RNF133: variants seen among roughly 807,000 people sequenced by gnomAD.
RNF133 encodes the protein E3 ubiquitin-protein ligase RNF133.
For synonymous variants in RNF133, 153 were observed against 152.1 expected (o/e 1.01, Z -0.04); for missense variants, 469 against 450.5 (o/e 1.04, Z -0.37).
Position 122,698,990 on chromosome 7 carries a change from C to A in RNF133, c.-72G>T. The A allele has an allele frequency of 4.4e-6, 5 of 1,129,008 alleles. No homozygotes were observed. The highest frequency in any genetic ancestry group is 6.2e-6 in the Non-Finnish European group (5 of 801,806). 69.9% of individuals were successfully genotyped at this position (1,129,008 alleles called of 1,614,324 possible). On this transcript the variant is annotated 5_prime_UTR_variant, in exon 1 of 1. Coordinates refer to ENST00000340112, the MANE Select transcript of RNF133 (RefSeq NM_139175.2). The stretch of plus-strand genomic sequence containing the variant: ...TCTGTTGACAATTAATTTAAAATAA[C>A]GAAGAGAAAAAAATCTTCAGGATAC...
Position 122,698,372 on chromosome 7 carries a change from G to A in RNF133, c.547C>T (p.His183Tyr), listed in dbSNP as rs1374495082. 1 of 1,613,640 alleles carries A rather than the reference G, an allele frequency of 6.2e-7. No homozygotes were observed. The highest frequency in any genetic ancestry group is 1.1e-5 in the South Asian group (1 of 91,068). Residue 183 changes from histidine to tyrosine, a missense_variant, in exon 1 of 1, where the codon CAC becomes TAC. By Grantham distance (83) the His-to-Tyr change is moderately conservative. Coordinates refer to ENST00000340112, the MANE Select transcript of RNF133 (RefSeq NM_139175.2). The part of the protein sequence containing the change: ...ITAVVEVGRK[H>Y]IIWMNHYLVS... ...AAATAGTGATTCATCCAGATGATGT[G>A]CTTTCTCCCCACCTCAACCACGGCT... is the stretch of plus-strand genomic sequence containing the variant.
rs779925189 is a variant in RNF133, at chr7:122,698,396, C to A, written c.523G>T (p.Ala175Ser). 1 of 1,613,990 alleles carries A rather than the reference C, an allele frequency of 6.2e-7. No homozygotes were observed. The highest frequency in any genetic ancestry group is 1.1e-5 in the South Asian group (1 of 91,076). ...HLIKKGVLITAVVEVGRKHII... is the reference protein window; with the variant it reads ...HLIKKGVLITSVVEVGRKHII... Reference sequence around the variant, plus strand: ...TGCTTTCTCCCCACCTCAACCACGGCTGTAATGAGAACTCCCTTCTTAATT... The same window carrying A: ...TGCTTTCTCCCCACCTCAACCACGGATGTAATGAGAACTCCCTTCTTAATT... Residue 175 changes from alanine to serine, a missense_variant, in exon 1 of 1, where the codon GCC becomes TCC. By Grantham distance (99) the Ala-to-Ser change is moderately conservative (BLOSUM62 1). Transcript: ENST00000340112.
chr7:122,698,461 A>C lies in RNF133; in HGVS notation c.458T>G (p.Val153Gly), dbSNP rs760085521. The C allele has an allele frequency of 3.1e-6, 5 of 1,613,804 alleles. No individual in the cohort carries two copies. In the South Asian group the frequency reaches 5.5e-5, roughly 18 times the overall value. The part of the protein sequence containing the change: ...FHQAFEDVVV[V>G]MIGNLKGTEI... ...CGTGCCTTTTAAGTTACCAATCATA[A>C]CCACAACGACATCTTCAAATGCCTG... Residue 153 changes from valine to glycine, a missense_variant, in exon 1 of 1, where the codon GTT becomes GGT. Val to Gly is a moderately radical substitution (Grantham distance 109). Coordinates refer to ENST00000340112, the MANE Select transcript of RNF133 (RefSeq NM_139175.2).
chr7:122,697,818 T>C lies in RNF133; in HGVS notation c.1101A>G (p.Ser367=), dbSNP rs749526613. 6.3e-7 allele frequency: 1 copy of C among 1,596,022 alleles called. No homozygotes were observed. Among genetic ancestry groups the C allele is most frequent in the Non-Finnish European group, 8.5e-7 (1 of 1,173,676 alleles). The change falls in exon 1 of 1, where the codon TCA becomes TCG. Residue 367 remains serine (S), a synonymous_variant. Coordinates refer to ENST00000340112, the MANE Select transcript of RNF133 (RefSeq NM_139175.2). ...TSQNNDIQPH[S]VVEDVHPSP is the part of the protein sequence containing the mutation. The stretch of plus-strand genomic sequence containing the variant: ...GTGAAGGATGAACATCTTCCACTAC[T>C]GAATGAGGCTGGATGTCATTATTCT...
rs2085606123 is a variant in RNF133, at chr7:122,698,974, A to C, written c.-56T>G. The C allele has an allele frequency of 1.6e-6, 2 of 1,217,940 alleles. No individual in the cohort carries two copies. Among genetic ancestry groups the C allele is most frequent in the South Asian group, 3.2e-5 (2 of 61,954 alleles). 75.4% of individuals were successfully genotyped at this position (1,217,940 alleles called of 1,614,324 possible). A position where few individuals can be genotyped will look rare whatever the true frequency, so the allele number is the denominator to read the frequency against. ...ACCTAACAGTTGCACATCTGTTGACAATTAATTTAAAATAACGAAGAGAAA... is the reference window on the plus strand; with the variant it reads ...ACCTAACAGTTGCACATCTGTTGACCATTAATTTAAAATAACGAAGAGAAA... On this transcript the variant is annotated 5_prime_UTR_variant, in exon 1 of 1. In the 5' UTR this introduces an upstream ATG that the reference lacks. Coordinates refer to ENST00000340112, the MANE Select transcript of RNF133 (RefSeq NM_139175.2).
rs761206928 is a variant in RNF133 at position 122,697,860 on chromosome 7, C to T, written c.1059G>A (p.Glu353=). The T allele has an allele frequency of 6.2e-7, 1 of 1,612,760 alleles. No individual in the cohort carries two copies. The highest frequency in any genetic ancestry group is 2.2e-5 in the East Asian group (1 of 44,854). The change falls in exon 1 of 1, where the codon GAG becomes GAA. Residue 353 remains glutamate, a synonymous_variant. Transcript: ENST00000340112. ...AGTSDKVIHV[E]ENPTSQNNDI... is the part of the protein sequence containing the mutation. ...CATTATTCTGAGAAGTAGGGTTCTC[C>T]TCCACATGGATTACTTTATCTGAGG...
rs745643478 is a variant in RNF133 at position 122,698,296 on chromosome 7, T to C, written c.623A>G (p.Tyr208Cys). The change falls in exon 1 of 1, where the codon TAT (tyrosine) becomes TGT (cysteine). Residue 208 changes from tyrosine to cysteine, a missense_variant. Physicochemically the swap from Tyr to Cys is radical, Grantham distance 194. Transcript: ENST00000340112. ...TTATLAYFIF[Y>C]HIHRLCLARI... ...TGCTAAACAAAGTCTATGAATGTGA[T>C]AAAAGATGAAATATGCTAAGGTAGC... 6.2e-7 allele frequency: 1 copy of C among 1,614,080 alleles called. No individual in the cohort carries two copies. The highest frequency in any genetic ancestry group is 1.1e-5 in the South Asian group (1 of 91,082).
rs759878094 is a variant in RNF133 at position 122,698,963 on chromosome 7, C to T, written c.-45G>A. ...CTTAAGAACCAACCTAACAGTTGCACATCTGTTGACAATTAATTTAAAATA... is the reference window on the plus strand; with the variant it reads ...CTTAAGAACCAACCTAACAGTTGCATATCTGTTGACAATTAATTTAAAATA... On this transcript the variant is annotated 5_prime_UTR_variant, in exon 1 of 1. The change creates a new upstream start codon in the 5' untranslated region. Coordinates refer to ENST00000340112, the MANE Select transcript of RNF133 (RefSeq NM_139175.2). 2.3e-6 allele frequency: 3 copies of T among 1,297,338 alleles called. No homozygotes were observed. Among genetic ancestry groups the T allele is most frequent in the Non-Finnish European group, 3.2e-6 (3 of 943,820 alleles). 80.4% of individuals were successfully genotyped at this position (1,297,338 alleles called of 1,614,324 possible). A position where few individuals can be genotyped will look rare whatever the true frequency, so the allele number is the denominator to read the frequency against.
Position 122,698,882 on chromosome 7 carries a change from T to C in RNF133, c.37A>G (p.Thr13Ala), listed in dbSNP as rs2085584011. Residue 13 changes from threonine (T) to alanine (A), a missense_variant, in exon 1 of 1, where the codon ACT becomes GCT. Coordinates refer to ENST00000340112, the MANE Select transcript of RNF133 (RefSeq NM_139175.2). ...LLKVGTWRNN[T>A]ASSWLMKFSV... ...AACTTCATAAGCCAGGAAGAGGCAG[T>C]GTTGTTTCTCCAAGTGCCAACCTTG... is the stretch of plus-strand genomic sequence containing the variant. 1 of 1,603,594 alleles carries C rather than the reference T, an allele frequency of 6.2e-7. No individual in the cohort carries two copies. The highest frequency in any genetic ancestry group is 1.3e-5 in the African/African-American group (1 of 74,638).
rs750822211 is a variant in RNF133, at chr7:122,698,343, G to A, written c.576C>T (p.Val192=). Residue 192 remains valine, a synonymous_variant, in exon 1 of 1, where the codon GTC becomes GTT. Transcript: ENST00000340112. ...KHIIWMNHYL[V]SFVIVTTATL... ...TAGCAGTTGTGACAATCACAAAAGA[G>A]ACCAAATAGTGATTCATCCAGATGA... is the stretch of plus-strand genomic sequence containing the variant. 6.8e-6 allele frequency: 11 copies of A among 1,613,874 alleles called. No individual in the cohort carries two copies. Among genetic ancestry groups the A allele is most frequent in the East Asian group, 2.2e-5 (1 of 44,880 alleles).
Position 122,698,801 on chromosome 7 carries a change from C to T in RNF133, c.118G>A (p.Ala40Thr), listed in dbSNP as rs775016583. ...ACATGAAATGATATGTTCATATAAG[C>T]CATCCAAACAACACTTGCTCTGCAA... ...NCCRASVVWM[A>T]YMNISFHVGN... The change falls in exon 1 of 1, where the codon GCT becomes ACT. Residue 40 changes from alanine to threonine, a missense_variant. Coordinates refer to ENST00000340112, the MANE Select transcript of RNF133 (RefSeq NM_139175.2). The T allele has an allele frequency of 6.2e-7, 1 of 1,613,898 alleles. No individual in the cohort carries two copies. The highest frequency in any genetic ancestry group is 1.1e-5 in the South Asian group (1 of 91,070).
rs759414433 is a variant in RNF133 at position 122,698,212 on chromosome 7, T to G, written c.707A>C (p.Gln236Pro). The change falls in exon 1 of 1, where the codon CAA becomes CCA. Residue 236 changes from glutamine to proline, a missense_variant. Physicochemically the swap from Gln to Pro is moderately conservative, Grantham distance 76. Transcript: ENST00000340112. ...LTTDLQNTFG[Q>P]LQLRVVKEGD... ...CTCTTTTACTACTCGAAGTTGGAGTTGTCCAAATGTGTTCTGAAGATCTGT... is the reference window on the plus strand; with the variant it reads ...CTCTTTTACTACTCGAAGTTGGAGTGGTCCAAATGTGTTCTGAAGATCTGT... 1 of 1,613,756 alleles carries G rather than the reference T, an allele frequency of 6.2e-7. No homozygotes were observed. The highest frequency in any genetic ancestry group is 1.3e-5 in the African/African-American group (1 of 74,902).
At position 122,698,804 on chromosome 7, in the gene RNF133, T is replaced by C; in HGVS notation, c.115A>G (p.Met39Val). ...QNCCRASVVW[M>V]AYMNISFHVG... Reference sequence around the variant, plus strand: ...TGAAATGATATGTTCATATAAGCCATCCAAACAACACTTGCTCTGCAACAG... The same window carrying C: ...TGAAATGATATGTTCATATAAGCCACCCAAACAACACTTGCTCTGCAACAG... The change falls in exon 1 of 1, where the codon ATG becomes GTG. Residue 39 changes from methionine (M) to valine (V), a missense_variant. Transcript: ENST00000340112. 1 of 1,613,856 alleles carries C rather than the reference T, an allele frequency of 6.2e-7. No homozygotes were observed.
At position 122,698,650 on chromosome 7, in the gene RNF133, G is replaced by T. The variant is rs751695080; in HGVS notation, c.269C>A (p.Thr90Asn). 3.1e-6 allele frequency: 5 copies of T among 1,614,004 alleles called. No homozygotes were observed. The highest frequency in any genetic ancestry group is 1.6e-4 in the Middle Eastern group (1 of 6,062). The change falls in exon 1 of 1, where the codon ACC becomes AAC. Residue 90 changes from threonine (T) to asparagine (N), a missense_variant. Coordinates refer to ENST00000340112, the MANE Select transcript of RNF133 (RefSeq NM_139175.2). ...GKIQNACNPNTIFSRSKYSET... is the reference protein window; with the variant it reads ...GKIQNACNPNNIFSRSKYSET... ...TGAGTACTTTGATCGGCTGAAAATGGTATTGGGATTACATGCATTTTGGAT... is the reference window on the plus strand; with the variant it reads ...TGAGTACTTTGATCGGCTGAAAATGTTATTGGGATTACATGCATTTTGGAT...
chr7:122,698,016 A>G lies in RNF133; in HGVS notation c.903T>C (p.Leu301=), dbSNP rs2085393847. ...CAACCACTTGAATCCCCAAAACTTT[A>G]AGAATATCACATTTGCAAATGGGGC... ...GTCPICKCDI[L]KVLGIQVVVE... is the part of the protein sequence containing the mutation. The change falls in exon 1 of 1, where the codon CTT becomes CTC. Residue 301 remains leucine (L), a synonymous_variant. Coordinates refer to ENST00000340112, the MANE Select transcript of RNF133 (RefSeq NM_139175.2). 1.2e-6 allele frequency: 2 copies of G among 1,613,512 alleles called. No homozygotes were observed. The highest frequency in any genetic ancestry group is 1.7e-6 in the Non-Finnish European group (2 of 1,179,788).
chr7:122,698,791 T>A lies in RNF133; in HGVS notation c.128A>T (p.Asn43Ile). 6.2e-7 allele frequency: 1 copy of A among 1,613,974 alleles called. No individual in the cohort carries two copies. ...ATGATTCCCAACATGAAATGATATG[T>A]TCATATAAGCCATCCAAACAACACT... ...RASVVWMAYM[N>I]ISFHVGNHVL... Residue 43 changes from asparagine to isoleucine, a missense_variant, in exon 1 of 1, where the codon AAC (asparagine) becomes ATC (isoleucine). Coordinates refer to ENST00000340112, the MANE Select transcript of RNF133 (RefSeq NM_139175.2).
rs759225467 is a variant in RNF133 at position 122,698,638 on chromosome 7, C to A, written c.281G>T (p.Arg94Leu). The A allele has an allele frequency of 1.4e-5, 23 of 1,613,846 alleles. No individual in the cohort carries two copies. The highest frequency in any genetic ancestry group is 2.2e-5 in the East Asian group (1 of 44,888). The part of the protein sequence containing the change: ...NACNPNTIFS[R>L]SKYSETWLAL... ...AAGCCAGGTCTCTGAGTACTTTGAT[C>A]GGCTGAAAATGGTATTGGGATTACA... The change falls in exon 1 of 1, where the codon CGA (arginine) becomes CTA (leucine). Residue 94 changes from arginine (R) to leucine (L), a missense_variant. Transcript: ENST00000340112.
chr7:122,698,986 A>G lies in RNF133; in HGVS notation c.-68T>C. ...CACATCTGTTGACAATTAATTTAAA[A>G]TAACGAAGAGAAAAAAATCTTCAGG... On this transcript the variant is annotated 5_prime_UTR_variant, in exon 1 of 1. Coordinates refer to ENST00000340112, the MANE Select transcript of RNF133 (RefSeq NM_139175.2). 3 of 1,159,300 alleles carry G rather than the reference A, an allele frequency of 2.6e-6. No homozygotes were observed. The highest frequency in any genetic ancestry group is 3.6e-6 in the Non-Finnish European group (3 of 826,402). The allele number at this position is 1,159,300 out of a possible 1,614,324, so 71.8% of individuals were successfully genotyped here. A position where few individuals can be genotyped will look rare whatever the true frequency, so the allele number is the denominator to read the frequency against.
Position 122,698,798 on chromosome 7 carries a change from A to G in RNF133, c.121T>C (p.Tyr41His), listed in dbSNP as rs769542252. 5.0e-6 allele frequency: 8 copies of G among 1,613,838 alleles called. No homozygotes were observed. The highest frequency in any genetic ancestry group is 2.2e-5 in the East Asian group (1 of 44,894). The change falls in exon 1 of 1, where the codon TAT (tyrosine) becomes CAT (histidine). Residue 41 changes from tyrosine to histidine, a missense_variant. Transcript: ENST00000340112. ...CCRASVVWMAYMNISFHVGNH... is the reference protein window; with the variant it reads ...CCRASVVWMAHMNISFHVGNH... ...CCAACATGAAATGATATGTTCATATAAGCCATCCAAACAACACTTGCTCTG... is the reference window on the plus strand; with the variant it reads ...CCAACATGAAATGATATGTTCATATGAGCCATCCAAACAACACTTGCTCTG...
Sources: gnomAD v4.1 joint callset for allele counts on GRCh38, gnomAD v4.1.1 for gene constraint, MANE v1.5 for transcripts, NCBI Gene and HGNC (gene_info 2026-07-23, HGNC 2026-07-21) for gene names.